NID1: variants seen among roughly 807,000 people sequenced by gnomAD.
The protein encoded by NID1 is nidogen-1.
Under a neutral mutation model 130.6 loss-of-function variants are expected in NID1, and 76 were observed. That is an observed-to-expected ratio of 0.58 (90% CI 0.48 to 0.70). The LOEUF (loss-of-function observed/expected upper bound fraction) is 0.70. Ranked by LOEUF, NID1 falls within the 30% of genes least tolerant of loss-of-function variation. The pLI is 0.00. For missense variants in NID1, 1,517 were observed against 1,664.8 expected (o/e 0.91, Z 1.54); for synonymous variants, 665 against 675.1 (o/e 0.98, Z 0.23).
intron 1 of NID1, among the ~76,000 whole-genome samples, chr1:236,063,153 CAAAAAAAAA>C (rs57769010): frequency 2.5e-5 from 2 of 79,696 alleles, no homozygotes; most frequent in Non-Finnish European, 4.7e-5. Context: ...GACTTCATCT[CAAAAAAAAA>C]AAAAAAAAAA....
chr1:235,988,953 C>T (rs1657646799), intron 14 of NID1, among the ~76,000 whole-genome samples: 1 of 151,820 alleles, frequency 6.6e-6, no homozygotes, highest in Non-Finnish European at 1.5e-5. Context: ...GTGATAGTTG[C>T]ATAACATTGT....
intron 11 of NID1, 51 bp from the exon 12 acceptor site, chr1:236,012,094 G>A (rs201515388): frequency 2.0e-5 from 32 of 1,589,884 alleles, no homozygotes; most frequent in Middle Eastern, 1.7e-4. Flanking sequence ...TCTGGAATTC[G>A]TAGTTTACCC....
In NID1 at chr1:236,042,054, C is replaced by T. The variant is rs144411771; in HGVS notation, c.991G>A (p.Val331Ile). The T allele has an allele frequency of 5.5e-5, 88 of 1,614,146 alleles. No individual in the cohort carries two copies. The African/African-American group carries it at 6.9e-4, about 13-fold the overall frequency. Residue 331 changes from valine (V) to isoleucine (I), a missense_variant, in exon 4 of 20, where the codon GTC (valine) becomes ATC (isoleucine). Physicochemically the swap from Val to Ile is conservative, Grantham distance 29. Coordinates refer to ENST00000264187, the MANE Select transcript of NID1 (RefSeq NM_002508.3). ...GGADTYSVPS[V>I]LSPRRAATER... ...GTAGCTGCCCGGCGCGGGGAGAGGA[C>T]GCTGGGCACACTGTATGTGTCAGCA...
chr1:235,993,728 C>A lies in NID1; in HGVS notation c.2672G>T (p.Gly891Val), dbSNP rs973005070. The A allele has an allele frequency of 6.2e-7, 1 of 1,611,912 alleles. No homozygotes were observed. The highest frequency in any genetic ancestry group is 1.7e-5 in the Admixed American group (1 of 59,926). ...CACGCACCAGCAGTAGCCGGTGCTG[C>A]CGTGGCACTGGGTGGGCGCGTAGTG... is the stretch of plus-strand genomic sequence containing the variant. Reference protein sequence around the residue: ...HGHYAPTQCHGSTGYCWCVDR... With the variant: ...HGHYAPTQCHVSTGYCWCVDR... The change falls in exon 13 of 20, where the codon GGC becomes GTC. Residue 891 changes from glycine (G) to valine (V), a missense_variant. By Grantham distance (109) the Gly-to-Val change is moderately radical. Around this residue, in one of 3 missense-constraint regions of NID1, gnomAD observed 1,329 missense variants for 1,429.2 expected, o/e 0.93. Transcript: ENST00000264187.
intron 12 of NID1, among the ~76,000 whole-genome samples, chr1:236,011,259 C>T (rs1007767304): frequency 2.0e-5 from 3 of 151,322 alleles, no homozygotes; most frequent in Admixed American, 6.6e-5. Flanking sequence ...ATAAATAACA[C>T]AACTGGTTAA....
rs1420460554 is a variant in NID1, at chr1:236,026,110, C to T, written c.1770G>A (p.Thr590=). 5.6e-6 allele frequency: 9 copies of T among 1,613,856 alleles called. No homozygotes were observed. Among genetic ancestry groups the T allele is most frequent in the Middle Eastern group, 1.7e-4 (1 of 6,058 alleles). The part of the protein sequence containing the change: ...VITSSSTREY[T]VTEPERDGAS... ...CCCCATCTCGCTCGGGCTCAGTCAC[C>T]GTGTACTCCCGGGTGGAGGAGGAAG... The change falls in exon 8 of 20, where the codon ACG becomes ACA. Residue 590 remains threonine, a synonymous_variant. Transcript: ENST00000264187.
intron 16 of NID1, among the ~76,000 whole-genome samples, chr1:235,981,386 C>T (rs953728274): frequency 6.6e-6 from 1 of 152,210 alleles, no homozygotes; most frequent in Non-Finnish European, 1.5e-5. Context: ...TGTAAAGTCT[C>T]CTGGCAAAAG....
intron 9 of NID1, 61 bp downstream of exon 9, chr1:236,024,009 C>A: frequency 6.3e-7 from 1 of 1,596,260 alleles, no homozygotes; most frequent in Non-Finnish European, 8.5e-7. Flanking sequence ...GTTTACAGAA[C>A]GTGGATGCCT....
chr1:235,989,586 A>G (rs1041794596), intron 14 of NID1, among the ~76,000 whole-genome samples: 1 of 152,240 alleles, frequency 6.6e-6, no homozygotes, highest in African/African-American at 2.4e-5. Context: ...TGTGGTGCTG[A>G]TATTTTAATA....
At chr1:236,039,305 G>T (rs1003446993) in intron 4 of NID1, among the ~76,000 whole-genome samples, 4 of 150,488 alleles carry the variant, frequency 2.7e-5, no homozygotes, top group African/African-American at 9.8e-5. Context: ...CTTAAAATAT[G>T]TACATATATT....
chr1:236,063,195 G>A (rs1013636924), intron 1 of NID1, among the ~76,000 whole-genome samples: 13 of 148,948 alleles, frequency 8.7e-5, no homozygotes, highest in African/African-American at 3.3e-4. Context: ...TATTGGGCCA[G>A]GCATGGTGGC....
At chr1:236,016,533 G>C (rs1307192839) in intron 10 of NID1, among the ~76,000 whole-genome samples, 1 of 152,180 alleles carries the variant, frequency 6.6e-6, no homozygotes, top group African/African-American at 2.4e-5. Flanking sequence ...GGAGGAAAAA[G>C]AGGAAGAATT....
intron 7 of NID1, among the ~76,000 whole-genome samples, chr1:236,028,403 G>T (rs59321245): frequency 0.018 from 2,761 of 152,262 alleles, 60 homozygotes; most frequent in African/African-American, 0.05. Flanking sequence ...AGGTACTCAG[G>T]AGGCTGAGGT....
Position 235,979,788 on chromosome 1 carries a change from G to A in NID1, c.3509+34C>T, listed in dbSNP as rs997126554. Reference sequence around the variant, plus strand: ...CCAGAGACAGTGGGTGGAGGGGCAGGCCCACGCAGCCCCCATGGCTACAGC... The same window carrying A: ...CCAGAGACAGTGGGTGGAGGGGCAGACCCACGCAGCCCCCATGGCTACAGC... On this transcript the variant is annotated intron_variant, in intron 18 of 19. Coordinates refer to ENST00000264187, the MANE Select transcript of NID1 (RefSeq NM_002508.3). This position sits in a 1 kb window ranked among gnomAD's most constrained non-coding sequence, Gnocchi z 4.6. 1 of 1,608,628 alleles carries A rather than the reference G, an allele frequency of 6.2e-7. No individual in the cohort carries two copies. Among genetic ancestry groups the A allele is most frequent in the Non-Finnish European group, 8.5e-7 (1 of 1,176,422 alleles).
At chr1:236,027,514 G>A (rs770441313) in intron 7 of NID1, among the ~76,000 whole-genome samples, 6 of 152,076 alleles carry the variant, frequency 3.9e-5, no homozygotes, top group Non-Finnish European at 5.9e-5. Flanking sequence ...CAACCTTTCC[G>A]AACAGCAATT....
chr1:235,995,102 G>A (rs375697196), intron 12 of NID1, among the ~76,000 whole-genome samples: 8 of 152,248 alleles, frequency 5.3e-5, no homozygotes, highest in South Asian at 2.1e-4. Flanking sequence ...CCATATCCAC[G>A]GGTTCCACAT....
chr1:235,995,511 G>A (rs1324561563), intron 12 of NID1, among the ~76,000 whole-genome samples: 1 of 152,188 alleles, frequency 6.6e-6, no homozygotes, highest in Admixed American at 6.5e-5. Flanking sequence ...AGCCTCTGCA[G>A]TATCGACCAC....
At chr1:236,004,707 A>G (rs1459684581) in intron 12 of NID1, among the ~76,000 whole-genome samples, 1 of 140,534 alleles carries the variant, frequency 7.1e-6, no homozygotes, top group African/African-American at 2.7e-5. Flanking sequence ...GCTTGCAGTG[A>G]GCCGAGATCA....
At chr1:235,993,620 C>G in intron 13 of NID1, 25 bp downstream of exon 13, 2 of 1,497,468 alleles carry the variant, frequency 1.3e-6, no homozygotes, top group Non-Finnish European at 1.8e-6. Context: ...AGGCACACGC[C>G]CAAGCACGGC....
Sources: gnomAD v4.1 joint callset for allele counts (sites outside exome capture counted in the v4.1 genomes callset) on GRCh38, gnomAD v4.1.1 for gene constraint, gnomAD v4.1.1 regional missense constraint, Gnocchi (gnomAD v3.1) non-coding constraint, MANE v1.5 for transcripts, NCBI Gene and HGNC (gene_info 2026-07-23, HGNC 2026-07-21) for gene names.